PLXNA4: variants seen among roughly 807,000 people sequenced by gnomAD.
PLXNA4 encodes the protein plexin-A4.
In PLXNA4, 44 loss-of-function variants were observed where a neutral mutation model predicts 191.8. The ratio of observed to expected loss-of-function variants is 0.23; its 90% CI spans 0.18 to 0.29. The LOEUF is 0.29. Among genes scored for constraint, PLXNA4 ranks in the 10% least tolerant of loss-of-function variants. The pLI, the probability that PLXNA4 is intolerant of heterozygous loss-of-function variation, is 1.00. For synonymous variants in PLXNA4, 1,082 were observed against 1,009.5 expected, an observed-to-expected ratio of 1.07 and a Z score of -1.36; for missense variants, 1,800 against 2,488.8, an observed-to-expected ratio of 0.72 and a Z score of 5.89.
intron 13 of PLXNA4, 48 bp downstream of exon 13, chr7:132,198,437 C>T: frequency 6.3e-7 from 1 of 1,593,328 alleles, no homozygotes; most frequent in Non-Finnish European, 8.6e-7. Flanking sequence ...TAATACTAAC[C>T]CGTCTTCCCT....
chr7:132,446,852 C>T (rs888430818), intron 3 of PLXNA4, among the ~76,000 whole-genome samples: 5 of 152,180 alleles, frequency 3.3e-5, no homozygotes, highest in Non-Finnish European at 5.9e-5. Flanking sequence ...TGGTCTTTGG[C>T]ACCATTCCCC....
intron 1 of PLXNA4, among the ~76,000 whole-genome samples, chr7:132,563,795 T>C (rs1801525197): frequency 2.0e-5 from 1 of 51,180 alleles, no homozygotes; most frequent in Non-Finnish European, 4.6e-5. Flanking sequence ...CTCCTCCTTC[T>C]CCTCCTCCTT....
intron 28 of PLXNA4, 197 bp from the exon 29 acceptor site, chr7:132,145,485 A>G (rs76104595): frequency 4.6e-5 from 33 of 720,018 alleles, no homozygotes; most frequent in African/African-American, 1.8e-5. Context: ...TCCCCTGCAC[A>G]TGGAAAAGAG....
intron 3 of PLXNA4, among the ~76,000 whole-genome samples, chr7:132,345,688 C>T (rs1563048541): frequency 6.6e-6 from 1 of 152,198 alleles, no homozygotes; most frequent in South Asian, 2.1e-4. Context: ...ATGCTCCTGG[C>T]AGGGCCCCAG....
In PLXNA4 at chr7:132,309,006, A is replaced by C. The variant is rs566844766; in HGVS notation, c.1372-10784T>G. The stretch of plus-strand genomic sequence containing the variant: ...GCAGGAGAGGGAGAAGAGGACCCAC[A>C]GCTTAGCTCTGGGCTGTCTGAAGAC... On this transcript the variant is annotated intron_variant, in intron 3 of 31. Coordinates refer to ENST00000321063, the MANE Select transcript of PLXNA4 (RefSeq NM_020911.2). Among the ~76,000 whole-genome samples the C allele has an allele frequency of 3.9e-5, 6 of 152,288 alleles. No homozygotes were observed. In the South Asian group the frequency reaches 1.2e-3, roughly 32 times the overall value.
At chr7:132,188,755 C>T (rs953510068) in intron 14 of PLXNA4, among the ~76,000 whole-genome samples, 4 of 151,922 alleles carry the variant, frequency 2.6e-5, no homozygotes, top group Admixed American at 6.6e-5. Context: ...AAGAGCCCTC[C>T]TTTCTCAGCT....
At chr7:132,543,991 T>C (rs777989114) in intron 1 of PLXNA4, among the ~76,000 whole-genome samples, 2 of 152,084 alleles carry the variant, frequency 1.3e-5, no homozygotes, top group African/African-American at 4.8e-5. Context: ...AACTAGAAGA[T>C]GGTAACAGAA....
At chr7:132,617,656 G>A (rs1329883616) in intron 2 of PLXNA4, among the ~76,000 whole-genome samples, 2 of 152,108 alleles carry the variant, frequency 1.3e-5, no homozygotes, top group African/African-American at 4.8e-5. Context: ...CTAAAACACT[G>A]ACAACCCATT....
chr7:132,635,752 G>A (rs760811829), intron 2 of PLXNA4, among the ~76,000 whole-genome samples: 1 of 151,992 alleles, frequency 6.6e-6, no homozygotes, highest in Admixed American at 6.6e-5. Flanking sequence ...GAAGTTCCAC[G>A]TTTAATACTT....
chr7:132,313,096 G>C (rs1337218708), intron 3 of PLXNA4, among the ~76,000 whole-genome samples: 3 of 152,132 alleles, frequency 2.0e-5, no homozygotes, highest in Non-Finnish European at 4.4e-5. Flanking sequence ...ACATGGGGGT[G>C]GTCCTGAGCT....
At chr7:132,359,466 C>T (rs1007731185) in intron 3 of PLXNA4, among the ~76,000 whole-genome samples, 2 of 152,114 alleles carry the variant, frequency 1.3e-5, no homozygotes, top group South Asian at 2.1e-4. Context: ...ATCTGCCTGC[C>T]ACGGTCTCCC....
At chr7:132,326,081 A>G (rs757115100) in intron 3 of PLXNA4, among the ~76,000 whole-genome samples, 1 of 152,192 alleles carries the variant, frequency 6.6e-6, no homozygotes, top group Non-Finnish European at 1.5e-5. Context: ...GGAGTAGTGC[A>G]TCAGACTGCC....
intron 4 of PLXNA4, among the ~76,000 whole-genome samples, chr7:132,263,797 G>A (rs1799743214): frequency 6.6e-6 from 1 of 152,176 alleles, no homozygotes. Flanking sequence ...AGATAATGGT[G>A]CCAACTTCAA....
upstream of PLXNA4, among the ~76,000 whole-genome samples, chr7:132,577,574 C>T (rs1471462328): frequency 6.6e-6 from 1 of 152,138 alleles, no homozygotes; most frequent in East Asian, 1.9e-4. Context: ...CCGCCGCCGC[C>T]CGGCTTGCCG....
chr7:132,509,189 A>AGGG (rs1798611783), intron 1 of PLXNA4, among the ~76,000 whole-genome samples: 2 of 150,168 alleles, frequency 1.3e-5, no homozygotes, highest in African/African-American at 5.0e-5. Context: ...GGGAGGGAGG[A>AGGG]AGGGCAGGAG....
intron 3 of PLXNA4, among the ~76,000 whole-genome samples, chr7:132,337,299 G>T (rs1802856104): frequency 6.6e-6 from 1 of 152,222 alleles, no homozygotes; most frequent in Non-Finnish European, 1.5e-5. Context: ...CAAGTCACAT[G>T]CACATGCATG....
At chr7:132,564,019 CT>C (rs2116708001) in intron 1 of PLXNA4, among the ~76,000 whole-genome samples, 2 of 31,674 alleles carry the variant, frequency 6.3e-5, no homozygotes, top group African/African-American at 8.7e-5. Flanking sequence ...TCTCCTCCTC[CT>C]TCTCCTCCTC....
At chr7:132,513,245 A>G (rs1270110995) in intron 1 of PLXNA4, among the ~76,000 whole-genome samples, 2 of 152,230 alleles carry the variant, frequency 1.3e-5, no homozygotes, top group East Asian at 3.8e-4. Flanking sequence ...GGTAGAGAGG[A>G]AAGTTATTAT....
chr7:132,250,685 G>A (rs1458577260), intron 4 of PLXNA4, among the ~76,000 whole-genome samples: 1 of 152,168 alleles, frequency 6.6e-6, no homozygotes, highest in Admixed American at 6.5e-5. Context: ...CCTCCAACAT[G>A]GAGGCCCAAA....
Sources: allele counts gnomAD v4.1 joint callset (sites outside exome capture counted in the v4.1 genomes callset), GRCh38; gene constraint gnomAD v4.1.1; transcripts MANE v1.5; gene names NCBI Gene and HGNC (gene_info 2026-07-23, HGNC 2026-07-21).